Variants in PAN3 observed in about 807,000 individuals in gnomAD.
PAN3 encodes poly(A) specific ribonuclease subunit PAN3.
A neutral mutation model predicts 96.2 loss-of-function variants in PAN3; 19 were observed. The ratio of observed to expected loss-of-function variants is 0.20; its 90% confidence interval spans 0.14 to 0.29. The LOEUF (loss-of-function observed/expected upper bound fraction) is 0.29, where lower values mean the gene tolerates loss of function less well. PAN3 is among the 10% of genes least tolerant of loss of function. PAN3 has a pLI of 1.00. For synonymous variants in PAN3, 433 were observed against 406.6 expected, an observed-to-expected ratio of 1.06 and a Z score of -0.78; for missense variants, 882 against 1,108.1, an observed-to-expected ratio of 0.80 and a Z score of 2.90.
intron 6 of PAN3, among the ~76,000 whole-genome samples, chr13:28,237,238 A>C (rs1026704827): frequency 1.3e-5 from 2 of 152,136 alleles, no homozygotes; most frequent in African/African-American, 4.8e-5. Context: ...TCCTCTTTTA[A>C]AATCTTTTTA....
intron 5 of PAN3, 40 bp from the exon 6 acceptor site, chr13:28,220,187 TCGGC>T (rs1337051181): frequency 6.4e-7 from 1 of 1,568,402 alleles, no homozygotes; most frequent in Non-Finnish European, 8.7e-7. Context: ...ATGTCTTTTT[TCGGC>T]TTAAAGTGTG....
intron 6 of PAN3, among the ~76,000 whole-genome samples, chr13:28,222,200 A>G (rs1254425231): frequency 6.6e-6 from 1 of 152,232 alleles, no homozygotes; most frequent in Non-Finnish European, 1.5e-5. Context: ...ATTCAGTTTA[A>G]GAAAATCCAT....
At chr13:28,168,557 A>G (rs1400349156) in intron 1 of PAN3, among the ~76,000 whole-genome samples, 2 of 152,150 alleles carry the variant, frequency 1.3e-5, no homozygotes, top group Admixed American at 6.5e-5. Context: ...TGTCTATACT[A>G]AAAATACAAA....
At chr13:28,144,203 GTTTTTTTGTTTTTTT>G (rs1299050856) in intron 1 of PAN3, among the ~76,000 whole-genome samples, 17 of 129,026 alleles carry the variant, frequency 1.3e-4, no homozygotes, top group South Asian at 7.6e-4. Flanking sequence ...GTTTCGATAA[GTTTTTTTGTTTTTTT>G]TTTTTTTTTT....
At chr13:28,164,626 G>A (rs147335376) in intron 1 of PAN3, among the ~76,000 whole-genome samples, 73 of 152,332 alleles carry the variant, frequency 4.8e-4, no homozygotes, top group African/African-American at 1.7e-3. Flanking sequence ...GATGATCACA[G>A]TTCACATTGT....
At chr13:28,222,295 T>C (rs2138387989) in intron 6 of PAN3, among the ~76,000 whole-genome samples, 1 of 152,170 alleles carries the variant, frequency 6.6e-6, no homozygotes, top group Middle Eastern at 3.4e-3. Flanking sequence ...AAACTTAGGG[T>C]GAAATTAATT....
At chr13:28,170,016 T>C (rs1013652106) in intron 1 of PAN3, among the ~76,000 whole-genome samples, 5 of 152,032 alleles carry the variant, frequency 3.3e-5, no homozygotes, top group Non-Finnish European at 7.4e-5. Flanking sequence ...CACTGCACTC[T>C]AGCCTGGGCG....
rs1241253320 is a variant in PAN3 at position 28,220,226 on chromosome 13, A to T, written c.853-5A>T. ...GTTAACTTACTATATTTGATTTTTA[A>T]ATAGACACCAAATCCTACTGCAAGC... On this transcript the variant is annotated splice_polypyrimidine_tract_variant and splice_region_variant and intron_variant, in intron 5 of 18. Transcript: ENST00000380958. 1 of 1,610,582 alleles carries T rather than the reference A, an allele frequency of 6.2e-7. No individual in the cohort carries two copies. Among genetic ancestry groups the T allele is most frequent in the South Asian group, 1.1e-5 (1 of 90,574 alleles).
chr13:28,248,203 AT>A (rs1218628578), intron 6 of PAN3, among the ~76,000 whole-genome samples: 2 of 151,696 alleles, frequency 1.3e-5, no homozygotes, highest in African/African-American at 2.4e-5. Context: ...TGCTTTCTTG[AT>A]TTCTTCTTCA....
intron 4 of PAN3, among the ~76,000 whole-genome samples, chr13:28,183,680 G>A (rs374696117): frequency 1.3e-5 from 2 of 152,184 alleles, no homozygotes; most frequent in African/African-American, 4.8e-5. Flanking sequence ...CGGCAGTGTT[G>A]GATAGTGGTT....
chr13:28,139,259 C>T (rs1048214893), intron 1 of PAN3, among the ~76,000 whole-genome samples, 172 bp downstream of exon 1: 6 of 151,854 alleles, frequency 4.0e-5, no homozygotes, highest in African/African-American at 1.5e-4. Context: ...TTCCTGCTTC[C>T]CCTCCCCACT....
intron 6 of PAN3, among the ~76,000 whole-genome samples, chr13:28,220,650 T>C (rs1881303623): frequency 6.6e-6 from 1 of 152,182 alleles, no homozygotes; most frequent in Non-Finnish European, 1.5e-5. Context: ...AAAAAATCTA[T>C]CTTTTTGTAT....
chr13:28,282,369 C>A (rs1484793574), intron 17 of PAN3, among the ~76,000 whole-genome samples: 1 of 150,918 alleles, frequency 6.6e-6, no homozygotes, highest in Non-Finnish European at 1.5e-5. Flanking sequence ...GAATTCAAGT[C>A]CACTTGCTTT....
At chr13:28,152,919 G>C (rs7335668) in intron 1 of PAN3, among the ~76,000 whole-genome samples, 14,303 of 152,178 alleles carry the variant, frequency 0.094, 839 homozygotes, top group African/African-American at 0.17. Flanking sequence ...GTGGGTATGG[G>C]GGGGAAAAGA....
intron 1 of PAN3, among the ~76,000 whole-genome samples, chr13:28,152,721 T>C (rs1192504626): frequency 1.3e-5 from 2 of 152,186 alleles, no homozygotes; most frequent in Non-Finnish European, 2.9e-5. Flanking sequence ...TGAAGATAAA[T>C]GTCCCGTTTG....
chr13:28,168,659 C>T (rs1426097670), intron 1 of PAN3, among the ~76,000 whole-genome samples: 1 of 152,080 alleles, frequency 6.6e-6, no homozygotes, highest in Admixed American at 6.5e-5. Flanking sequence ...GCGGAGGTTG[C>T]AGTGAGCTGA....
chr13:28,167,272 A>G (rs1873703025), intron 1 of PAN3, among the ~76,000 whole-genome samples: 1 of 151,628 alleles, frequency 6.6e-6, no homozygotes, highest in African/African-American at 2.4e-5. Context: ...AGCTAGCTGC[A>G]ACCTCCACCT....
chr13:28,282,214 A>G (rs1193623187), intron 17 of PAN3, among the ~76,000 whole-genome samples: 1 of 152,236 alleles, frequency 6.6e-6, no homozygotes, highest in Non-Finnish European at 1.5e-5. Flanking sequence ...TTTGTACTAC[A>G]TAACTGTCAA....
chr13:28,219,901 G>A (rs749260698), intron 5 of PAN3, among the ~76,000 whole-genome samples: 1 of 152,190 alleles, frequency 6.6e-6, no homozygotes, highest in Non-Finnish European at 1.5e-5. Context: ...CTTGAAATTT[G>A]TTGCTCAGTT....
Sources: allele counts gnomAD v4.1 joint callset (sites outside exome capture counted in the v4.1 genomes callset), GRCh38; gene constraint gnomAD v4.1.1; transcripts MANE v1.5; gene names NCBI Gene and HGNC (gene_info 2026-07-23, HGNC 2026-07-21).